FBN2: variants seen among roughly 807,000 people sequenced by gnomAD.
The protein encoded by FBN2 is fibrillin-2.
FBN2 carries 105 observed loss-of-function variants against 355.6 expected under a neutral mutation model. The ratio of observed to expected loss-of-function variants is 0.30; its 90% CI spans 0.25 to 0.35. The LOEUF (loss-of-function observed/expected upper bound fraction) is 0.35. FBN2 is among the 10% of genes least tolerant of loss of function. FBN2 has a pLI of 1.00. For missense variants in FBN2, 3,280 were observed against 3,758.7 expected (o/e 0.87, Z 3.33); for synonymous variants, 1,350 against 1,301.2 (o/e 1.04, Z -0.81).
intron 6 of FBN2, among the ~76,000 whole-genome samples, chr5:128,456,168 G>T (rs1237043130): frequency 6.6e-6 from 1 of 152,074 alleles, no homozygotes; most frequent in Admixed American, 6.5e-5. Flanking sequence ...CAACACACTG[G>T]CTGTGGCAGT....
intron 5 of FBN2, among the ~76,000 whole-genome samples, chr5:128,498,747 T>C (rs2127136530): frequency 6.6e-6 from 1 of 152,342 alleles, no homozygotes; most frequent in South Asian, 2.1e-4. Context: ...ATATAAGTAG[T>C]ACTTAAAAAG....
At chr5:128,493,648 C>T (rs1221090599) in intron 5 of FBN2, among the ~76,000 whole-genome samples, 5 of 152,090 alleles carry the variant, frequency 3.3e-5, no homozygotes, top group African/African-American at 1.2e-4. Context: ...TTAGCACTTT[C>T]AAAAATTCTT....
At chr5:128,479,312 G>A (rs1011356899) in intron 5 of FBN2, among the ~76,000 whole-genome samples, 1 of 152,070 alleles carries the variant, frequency 6.6e-6, no homozygotes, top group Non-Finnish European at 1.5e-5. Flanking sequence ...TAAAAAGCAC[G>A]TGGTCTTATA....
chr5:128,282,360 A>G (rs565021411), intron 55 of FBN2, among the ~76,000 whole-genome samples: 1 of 152,236 alleles, frequency 6.6e-6, no homozygotes, highest in African/African-American at 2.4e-5. Flanking sequence ...TTATTTCTAG[A>G]ATCTGAGGGT....
At chr5:128,475,772 G>C (rs1043389572) in intron 5 of FBN2, among the ~76,000 whole-genome samples, 6 of 152,156 alleles carry the variant, frequency 3.9e-5, no homozygotes, top group Non-Finnish European at 8.8e-5. Flanking sequence ...TACCTACAAA[G>C]GAGATTAAAT....
chr5:128,301,698 T>G (rs1749725469), intron 46 of FBN2, among the ~76,000 whole-genome samples, 188 bp from the exon 47 acceptor site: 2 of 152,316 alleles, frequency 1.3e-5, no homozygotes, highest in South Asian at 2.1e-4. Context: ...CATAGAGTCC[T>G]ACTATTTTTC....
intron 6 of FBN2, among the ~76,000 whole-genome samples, chr5:128,452,932 T>C (rs1300282571): frequency 6.6e-6 from 1 of 152,156 alleles, no homozygotes; most frequent in Non-Finnish European, 1.5e-5. Context: ...TTTCCATTAG[T>C]AAACAGAAAT....
intron 7 of FBN2, among the ~76,000 whole-genome samples, chr5:128,423,511 A>G (rs1379835134): frequency 6.6e-6 from 1 of 151,996 alleles, no homozygotes; most frequent in Non-Finnish European, 1.5e-5. Context: ...TGATTCAATT[A>G]CCTCCCACCA....
chr5:128,488,741 A>G (rs1755417022), intron 5 of FBN2, among the ~76,000 whole-genome samples: 1 of 151,552 alleles, frequency 6.6e-6, no homozygotes, highest in Non-Finnish European at 1.5e-5. Context: ...ATGAGTGAGA[A>G]CATGTGGTGT....
chr5:128,426,135 C>T (rs373245854), intron 7 of FBN2, among the ~76,000 whole-genome samples: 3 of 152,062 alleles, frequency 2.0e-5, no homozygotes, highest in African/African-American at 4.8e-5. Flanking sequence ...CTATGCAAAA[C>T]GACAAATTCA....
chr5:128,537,260 T>G (rs73348283), intron 1 of FBN2, 90 bp downstream of exon 1: 2 of 1,570,012 alleles, frequency 1.3e-6, no homozygotes, highest in South Asian at 2.3e-5. Flanking sequence ...CTAAAGGGTC[T>G]GGGACGGAGT....
chr5:128,483,781 G>A (rs1043451017), intron 5 of FBN2, among the ~76,000 whole-genome samples: 5 of 152,086 alleles, frequency 3.3e-5, no homozygotes, highest in Non-Finnish European at 5.9e-5. Context: ...TAAATCAATG[G>A]TTCTTAAAAC....
At chr5:128,310,400 ATATTTTTTTTT>A (rs1463166551) in intron 39 of FBN2, among the ~76,000 whole-genome samples, 30 of 13,274 alleles carry the variant, frequency 2.3e-3, no homozygotes, top group South Asian at 5.4e-3. Context: ...ATATATATAT[ATATTTTTTTTT>A]TTTTTTTTTT....
intron 8 of FBN2, among the ~76,000 whole-genome samples, chr5:128,401,508 C>T (rs1407238058): frequency 6.6e-6 from 1 of 152,126 alleles, no homozygotes; most frequent in Non-Finnish European, 1.5e-5. Context: ...GCTGGCTGGG[C>T]ACAGTGGCTC....
At chr5:128,296,656 T>C (rs1302279089) in intron 48 of FBN2, among the ~76,000 whole-genome samples, 6 of 152,192 alleles carry the variant, frequency 3.9e-5, no homozygotes, top group Non-Finnish European at 8.8e-5. Flanking sequence ...TGATGGTAGT[T>C]TGTATTTCTG....
intron 7 of FBN2, among the ~76,000 whole-genome samples, chr5:128,433,327 TTA>T (rs1373008201): frequency 6.6e-6 from 1 of 152,178 alleles, no homozygotes; most frequent in Non-Finnish European, 1.5e-5. Context: ...AAGTTTGAAG[TTA>T]GACTGCAGTA....
At chr5:128,376,153 T>C (rs1399892987) in intron 14 of FBN2, among the ~76,000 whole-genome samples, 2 of 152,198 alleles carry the variant, frequency 1.3e-5, no homozygotes, top group Non-Finnish European at 2.9e-5. Context: ...AAGGTCTCAT[T>C]TATTTCCAAG....
chr5:128,503,262 C>A (rs1002997590), intron 5 of FBN2, among the ~76,000 whole-genome samples: 1 of 152,192 alleles, frequency 6.6e-6, no homozygotes, highest in African/African-American at 2.4e-5. Context: ...GTCAACTAAA[C>A]CTTTTTCCTT....
At position 128,357,306 on chromosome 5, in the gene FBN2, T is replaced by G; in HGVS notation, c.2644A>C (p.Lys882Gln). The change falls in exon 20 of 65, where the codon AAA (lysine) becomes CAA (glutamine). Residue 882 changes from lysine to glutamine, a missense_variant. Coordinates refer to ENST00000262464, the MANE Select transcript of FBN2 (RefSeq NM_001999.4). ...SFNCECSPGS[K>Q]LSSTGLICID... The stretch of plus-strand genomic sequence containing the variant: ...CAGATCAATCCTGTGGAGCTGAGTT[T>G]GCTGCCGGGCGAACATTCACAATTG... 6.2e-7 allele frequency: 1 copy of G among 1,614,018 alleles called. No individual in the cohort carries two copies. Among genetic ancestry groups the G allele is most frequent in the African/African-American group, 1.3e-5 (1 of 75,060 alleles).
Sources: allele counts gnomAD v4.1 joint callset (sites outside exome capture counted in the v4.1 genomes callset), GRCh38; gene constraint gnomAD v4.1.1; transcripts MANE v1.5; gene names NCBI Gene and HGNC (gene_info 2026-07-23, HGNC 2026-07-21).